The following NEDD4L variants were observed in gnomAD, a reference collection of about 807,000 sequenced individuals.
The protein encoded by NEDD4L is E3 ubiquitin-protein ligase NEDD4-like.
In NEDD4L, 54 loss-of-function variants were observed where a neutral mutation model predicts 148.9. The ratio of observed to expected loss-of-function variants is 0.36; its 90% confidence interval spans 0.29 to 0.45. The LOEUF is 0.45. NEDD4L is among the 20% of genes least tolerant of loss of function. The probability of loss-of-function intolerance (pLI) is 1.00; values close to 1 mark genes in which losing one functional copy is unlikely to be tolerated. For synonymous variants in NEDD4L, 433 were observed against 440.7 expected, an observed-to-expected ratio of 0.98 and a Z score of 0.22; for missense variants, 856 against 1,233.8, an observed-to-expected ratio of 0.69 and a Z score of 4.59.
chr18:58,389,276 C>A, intron 28 of NEDD4L, 84 bp downstream of exon 28: 1 of 964,958 alleles, frequency 1.0e-6, no homozygotes, highest in Non-Finnish European at 1.6e-6. Context: ...TGTGGTCTGA[C>A]TTCAGGACTG....
intron 16 of NEDD4L, among the ~76,000 whole-genome samples, chr18:58,345,702 A>G (rs2042952364): frequency 6.6e-6 from 1 of 152,146 alleles, no homozygotes; most frequent in Admixed American, 6.5e-5. Flanking sequence ...GTATGCCATC[A>G]GTATTTGGAT....
chr18:58,219,894 A>G (rs1273753773), intron 2 of NEDD4L, among the ~76,000 whole-genome samples: 1 of 152,024 alleles, frequency 6.6e-6, no homozygotes, highest in Non-Finnish European at 1.5e-5. Context: ...ATAAATAAAA[A>G]CTTGTTCAAC....
At position 58,256,585 on chromosome 18, in the gene NEDD4L, TGAAATCCGCAGGAC is replaced by T; in HGVS notation, c.297+4535_297+4548del. On this transcript the variant is annotated intron_variant, in intron 5 of 30. Transcript: ENST00000400345. The surrounding 1 kb of genome is among the most constrained non-coding windows in gnomAD (Gnocchi z 5.2). Reference sequence around the variant, plus strand: ...CGCCTCGAGCTGGCAGGATGGCTCCTGAAATCCGCAGGACGAACTCCGCGGAGAGGACTCCGCAG... The same window carrying T: ...CGCCTCGAGCTGGCAGGATGGCTCCTGAACTCCGCGGAGAGGACTCCGCAG... The T allele has an allele frequency of 8.1e-7, 1 of 1,232,266 alleles. No individual in the cohort carries two copies. The highest frequency in any genetic ancestry group is 1.0e-6 in the Non-Finnish European group (1 of 988,058). 76.3% of individuals were successfully genotyped at this position (1,232,266 alleles called of 1,614,324 possible). A position where few individuals can be genotyped will look rare whatever the true frequency, so the allele number is the denominator to read the frequency against.
intron 3 of NEDD4L, among the ~76,000 whole-genome samples, chr18:58,248,023 T>C (rs2047481529): frequency 6.6e-6 from 1 of 152,254 alleles, no homozygotes; most frequent in Non-Finnish European, 1.5e-5. Context: ...CCTGAACTGA[T>C]CTATTAAAGG....
rs3744865 is a variant in NEDD4L, at chr18:58,366,955, C to T, written c.2063+727C>T. 1.3e-5 allele frequency among the ~76,000 whole-genome samples: 2 copies of T among 152,066 alleles called. No homozygotes were observed. Among genetic ancestry groups the T allele is most frequent in the East Asian group, 1.9e-4 (1 of 5,190 alleles). On this transcript the variant is annotated intron_variant, in intron 21 of 30. Transcript: ENST00000400345. This position sits in a 1 kb window ranked among gnomAD's most constrained non-coding sequence, Gnocchi z 4.2. ...TCTCCTGGGGGCTCATTTGGAAGGC[C>T]GCCTCAGTACATTCTTCCTGGTTGC...
intron 26 of NEDD4L, among the ~76,000 whole-genome samples, chr18:58,387,153 A>C (rs1436578804): frequency 6.6e-6 from 1 of 152,238 alleles, no homozygotes; most frequent in East Asian, 1.9e-4. Context: ...GCAGTGTTAT[A>C]AATGGCTTTT....
chr18:58,157,792 GT>G lies in NEDD4L; in HGVS notation c.49-7989del, dbSNP rs545981513. Among the ~76,000 whole-genome samples, 794 of 152,194 alleles carry G rather than the reference GT, an allele frequency of 5.2e-3. 9 individuals carry two copies. Among genetic ancestry groups the G allele is most frequent in the African/African-American group, 0.018 (762 of 41,514 alleles). Reference sequence around the variant, plus strand: ...GCAATAGTCTTTATTTCTCACTGCTGTTTTTTTCTTATTTTGAAGAATCACC... The same window carrying G: ...GCAATAGTCTTTATTTCTCACTGCTGTTTTTTCTTATTTTGAAGAATCACC... On this transcript the variant is annotated intron_variant, in intron 1 of 30. Transcript: ENST00000400345.
At chr18:58,283,211 G>A (rs577534015) in intron 5 of NEDD4L, among the ~76,000 whole-genome samples, 1 of 152,250 alleles carries the variant, frequency 6.6e-6, no homozygotes, top group East Asian at 1.9e-4. Context: ...GAGTAGCTGG[G>A]ATTACAGGTG....
At chr18:58,116,625 G>T (rs1203180630) in intron 1 of NEDD4L, among the ~76,000 whole-genome samples, 1 of 152,206 alleles carries the variant, frequency 6.6e-6, no homozygotes, top group Admixed American at 6.5e-5. Flanking sequence ...GTTCACCAGA[G>T]AAATAACAAA....
At chr18:58,253,330 T>C (rs944930920) in intron 5 of NEDD4L, among the ~76,000 whole-genome samples, 1 of 152,248 alleles carries the variant, frequency 6.6e-6, no homozygotes, top group Non-Finnish European at 1.5e-5. Context: ...TGGGAATGTA[T>C]TGAATCTCAT....
At chr18:58,215,905 T>TCA (rs1568406579) in intron 2 of NEDD4L, among the ~76,000 whole-genome samples, 3 of 152,188 alleles carry the variant, frequency 2.0e-5, no homozygotes, top group Admixed American at 2.0e-4. Context: ...ATCCTATTTA[T>TCA]CATATCTGTT....
At chr18:58,107,340 G>T (rs1415217739) in intron 1 of NEDD4L, among the ~76,000 whole-genome samples, 1 of 152,206 alleles carries the variant, frequency 6.6e-6, no homozygotes, top group Non-Finnish European at 1.5e-5. Context: ...GATTGAATAC[G>T]CAGATATTAA....
intron 2 of NEDD4L, among the ~76,000 whole-genome samples, chr18:58,230,764 C>T (rs950566009): frequency 1.3e-5 from 2 of 152,096 alleles, no homozygotes; most frequent in Non-Finnish European, 2.9e-5. Context: ...GACTATTTTC[C>T]AAACATGTAA....
At chr18:58,223,352 A>G (rs1309513258) in intron 2 of NEDD4L, among the ~76,000 whole-genome samples, 1 of 152,190 alleles carries the variant, frequency 6.6e-6, no homozygotes, top group South Asian at 2.1e-4. Flanking sequence ...AAAAGATATA[A>G]AATGAAGGCA....
At chr18:58,142,411 C>T (rs1209814504) in intron 1 of NEDD4L, among the ~76,000 whole-genome samples, 1 of 152,066 alleles carries the variant, frequency 6.6e-6, no homozygotes, top group African/African-American at 2.4e-5. Context: ...TTTATAAAAA[C>T]CTATGTAATT....
intron 2 of NEDD4L, among the ~76,000 whole-genome samples, chr18:58,231,290 A>G (rs2045200056): frequency 6.6e-6 from 1 of 151,510 alleles, no homozygotes; most frequent in African/African-American, 2.4e-5. Flanking sequence ...AACAGACACA[A>G]GATTCCATGG....
At position 58,164,457 on chromosome 18, in the gene NEDD4L, G is replaced by A. The variant is rs539336554; in HGVS notation, c.49-1331G>A. Among the ~76,000 whole-genome samples the A allele has an allele frequency of 2.1e-3, 326 of 152,304 alleles. 1 individual carries two copies. The highest frequency in any genetic ancestry group is 7.0e-3 in the African/African-American group (289 of 41,566). ...GACTAATGGAGGCTTAGGACTCTGA[G>A]TGGTGTCGCAAGGAACCTTATGCAC... On this transcript the variant is annotated intron_variant, in intron 1 of 30. Transcript: ENST00000400345.
At chr18:58,292,091 A>T (rs1008910930) in intron 5 of NEDD4L, among the ~76,000 whole-genome samples, 1 of 152,156 alleles carries the variant, frequency 6.6e-6, no homozygotes, top group African/African-American at 2.4e-5. Flanking sequence ...CCCCTAAAGG[A>T]CAGAGCGAGC....
intron 5 of NEDD4L, among the ~76,000 whole-genome samples, chr18:58,280,480 G>A (rs1458084964): frequency 1.3e-5 from 2 of 152,190 alleles, no homozygotes; most frequent in South Asian, 2.1e-4. Flanking sequence ...CAGACCGGGC[G>A]AGGCTGGGTG....
Sources: gnomAD v4.1 joint callset for allele counts (sites outside exome capture counted in the v4.1 genomes callset) on GRCh38, gnomAD v4.1.1 for gene constraint, Gnocchi (gnomAD v3.1) non-coding constraint, MANE v1.5 for transcripts, NCBI Gene and HGNC (gene_info 2026-07-23, HGNC 2026-07-21) for gene names.